SLIT1: variants seen among roughly 807,000 people sequenced by gnomAD.
SLIT1 encodes slit guidance ligand 1.
SLIT1 carries 66 observed loss-of-function variants against 186.1 expected under a neutral mutation model. That is an observed-to-expected ratio of 0.35 (90% confidence interval 0.29 to 0.44). The LOEUF (loss-of-function observed/expected upper bound fraction) is 0.44. SLIT1 is among the 20% of genes least tolerant of loss of function. The pLI, the probability that SLIT1 is intolerant of heterozygous loss-of-function variation, is 1.00. For missense variants in SLIT1, 1,638 were observed against 2,037.4 expected, an observed-to-expected ratio of 0.80 and a Z score of 3.77; for synonymous variants, 761 against 833.8, an observed-to-expected ratio of 0.91 and a Z score of 1.50.
intron 28 of SLIT1, among the ~76,000 whole-genome samples, chr10:97,016,847 C>T (rs1052140466): frequency 4.6e-5 from 7 of 152,118 alleles, no homozygotes; most frequent in African/African-American, 1.7e-4. Flanking sequence ...TTCAAATCAC[C>T]ATTGCAGGAA....
intron 4 of SLIT1, among the ~76,000 whole-genome samples, chr10:97,125,109 T>C (rs957555939): frequency 6.6e-6 from 1 of 152,206 alleles, no homozygotes; most frequent in Non-Finnish European, 1.5e-5. Flanking sequence ...GCTTCTTGTA[T>C]ACTGTGAAGA....
Position 97,050,276 on chromosome 10 carries a change from G to A in SLIT1, c.1302-1158C>T, listed in dbSNP as rs1848775634. Among the ~76,000 whole-genome samples the A allele has an allele frequency of 3.3e-5, 5 of 152,198 alleles. No homozygotes were observed. In the South Asian group the frequency reaches 1.0e-3, roughly 31 times the overall value. ...CAGGCCATCTGACTTACTGGTCTCA[G>A]CCCAGGCCCCTGCAAGGGGCTGCAG... On this transcript the variant is annotated intron_variant, in intron 13 of 36. Coordinates refer to ENST00000266058, the MANE Select transcript of SLIT1 (RefSeq NM_003061.3).
At chr10:97,056,536 C>T (rs1848838086) in intron 12 of SLIT1, 72 bp from the exon 13 acceptor site, 2 of 1,511,636 alleles carry the variant, frequency 1.3e-6, no homozygotes, top group Admixed American at 1.7e-5. Context: ...TCCTGGGCAC[C>T]TTCTTCAGTC....
At chr10:97,137,739 C>G (rs1356719877) in intron 4 of SLIT1, among the ~76,000 whole-genome samples, 2 of 152,152 alleles carry the variant, frequency 1.3e-5, no homozygotes, top group South Asian at 2.1e-4. Context: ...GTGTGCCCCA[C>G]CATCCCCAGC....
chr10:97,098,476 G>C (rs1402438784), intron 4 of SLIT1, among the ~76,000 whole-genome samples: 3 of 152,210 alleles, frequency 2.0e-5, no homozygotes, highest in African/African-American at 7.2e-5. Context: ...TGAGGACTTG[G>C]CGAGGCAGAG....
intron 21 of SLIT1, 33 bp from the exon 22 acceptor site, chr10:97,037,799 T>A: frequency 6.4e-7 from 1 of 1,571,906 alleles, no homozygotes; most frequent in Non-Finnish European, 8.7e-7. Flanking sequence ...TTAGTGCCCA[T>A]CTCCACCTCT....
intron 4 of SLIT1, among the ~76,000 whole-genome samples, chr10:97,092,337 G>A (rs1350800125): frequency 6.6e-6 from 1 of 152,184 alleles, no homozygotes; most frequent in African/African-American, 2.4e-5. Flanking sequence ...GAATTAACTG[G>A]GAAGAGACAT....
In SLIT1 at chr10:97,018,996, G is replaced by A. The variant is rs556714316; in HGVS notation, c.2858C>T (p.Pro953Leu). 1.4e-5 allele frequency: 22 copies of A among 1,609,276 alleles called. No homozygotes were observed. The African/African-American group carries it at 2.4e-4, about 18-fold the overall frequency. The change falls in exon 27 of 37, where the codon CCC (proline) becomes CTC (leucine). Residue 953 changes from proline to leucine, a missense_variant. Physicochemically the swap from Pro to Leu is moderately conservative, Grantham distance 98. Transcript: ENST00000266058. ...GCCTCCACTCACCTTATAGCCGCTG[G>A]GGCAGGCGCACCTGTACACCTCAAG... is the stretch of plus-strand genomic sequence containing the variant. Reference protein sequence around the residue: ...DPLEVYRCACPSGYKGRDCEV... With the variant: ...DPLEVYRCACLSGYKGRDCEV...
chr10:97,065,042 G>GT (rs967168793), intron 5 of SLIT1, among the ~76,000 whole-genome samples, 166 bp from the exon 6 acceptor site: 18 of 152,016 alleles, frequency 1.2e-4, no homozygotes, highest in Middle Eastern at 3.4e-3. Flanking sequence ...AAACTTAAGG[G>GT]TTTTTTTCTA....
intron 34 of SLIT1, 132 bp from the exon 35 acceptor site, chr10:97,003,124 G>T: frequency 2.4e-6 from 2 of 842,838 alleles, no homozygotes; most frequent in South Asian, 1.9e-5. Context: ...CTGCAACCCT[G>T]ATCCAAGGTC....
rs773758191 is a variant in SLIT1, at chr10:97,013,509, G to A, written c.3203+232C>T. ...AGATGAGAAAACAAGCTCAGAGCAGGCAAGTGACACATTCAGGGTCATGCT... is the reference window on the plus strand; with the variant it reads ...AGATGAGAAAACAAGCTCAGAGCAGACAAGTGACACATTCAGGGTCATGCT... On this transcript the variant is annotated intron_variant, in intron 30 of 36. Transcript: ENST00000266058. Among the ~76,000 whole-genome samples the A allele has an allele frequency of 2.0e-5, 3 of 152,288 alleles. No homozygotes were observed. The South Asian group carries it at 6.2e-4, about 32-fold the overall frequency.
At chr10:97,036,548 C>T (rs1229236961) in intron 22 of SLIT1, among the ~76,000 whole-genome samples, 1 of 152,224 alleles carries the variant, frequency 6.6e-6, no homozygotes, top group African/African-American at 2.4e-5. Flanking sequence ...GCTTAGTTTA[C>T]GCGAACATTG....
At chr10:97,005,136 A>G (rs1848349038) in intron 32 of SLIT1, among the ~76,000 whole-genome samples, 1 of 152,188 alleles carries the variant, frequency 6.6e-6, no homozygotes, top group African/African-American at 2.4e-5. Context: ...CCAGAGAGGA[A>G]AATTAGACTG....
At chr10:97,133,471 G>A (rs1416061247) in intron 4 of SLIT1, among the ~76,000 whole-genome samples, 1 of 152,180 alleles carries the variant, frequency 6.6e-6, no homozygotes, top group Non-Finnish European at 1.5e-5. Flanking sequence ...AATTTATAGA[G>A]ACAGAAAGTA....
rs1186971772 is a variant in SLIT1, at chr10:97,042,780, C to A, written c.2164+121G>T. On this transcript the variant is annotated intron_variant, in intron 20 of 36. Transcript: ENST00000266058. ...ACAGGGCCTCCCCTCCCCACCTAACCTCTCCTCTCAGGGGCATGCCAGGGG... is the reference window on the plus strand; with the variant it reads ...ACAGGGCCTCCCCTCCCCACCTAACATCTCCTCTCAGGGGCATGCCAGGGG... 6.5e-6 allele frequency: 7 copies of A among 1,074,510 alleles called. No homozygotes were observed. The Admixed American group carries it at 1.7e-4, about 27-fold the overall frequency. 66.6% of individuals were successfully genotyped at this position (1,074,510 alleles called of 1,614,324 possible). A position where few individuals can be genotyped will look rare whatever the true frequency, so the allele number is the denominator to read the frequency against.
At chr10:97,013,465 A>G (rs1386661792) in intron 30 of SLIT1, among the ~76,000 whole-genome samples, 3 of 152,136 alleles carry the variant, frequency 2.0e-5, no homozygotes, top group Admixed American at 2.0e-4. Flanking sequence ...GGAGGAAGCT[A>G]CTGTTGTGCC....
At chr10:97,058,057 G>C (rs1419955560) in intron 11 of SLIT1, 2 of 717,530 alleles carry the variant, frequency 2.8e-6, no homozygotes, top group East Asian at 2.7e-5. Flanking sequence ...CCCTGCAGTG[G>C]GAGCTGTGTG....
Position 97,010,959 on chromosome 10 carries a change from G to A in SLIT1, c.3341+34C>T. On this transcript the variant is annotated intron_variant, in intron 31 of 36. Coordinates refer to ENST00000266058, the MANE Select transcript of SLIT1 (RefSeq NM_003061.3). This position sits in a 1 kb window ranked among gnomAD's most constrained non-coding sequence, Gnocchi z 4.8. ...CCAGCCCAGGGGCTGACAGCCACAA[G>A]GAGTCACTCCTAGTGTGTCCAGGGG... 2 of 1,602,446 alleles carry A rather than the reference G, an allele frequency of 1.2e-6. No homozygotes were observed. Among genetic ancestry groups the A allele is most frequent in the Middle Eastern group, 1.7e-4 (1 of 6,004 alleles).
At chr10:97,117,386 T>C (rs1849518631) in intron 4 of SLIT1, among the ~76,000 whole-genome samples, 1 of 152,130 alleles carries the variant, frequency 6.6e-6, no homozygotes, top group African/African-American at 2.4e-5. Context: ...GCTTGGAAAA[T>C]TTGCTCCAAA....
Sources: allele counts gnomAD v4.1 joint callset (sites outside exome capture counted in the v4.1 genomes callset), GRCh38; gene constraint gnomAD v4.1.1; non-coding constraint Gnocchi (gnomAD v3.1); transcripts MANE v1.5; gene names NCBI Gene and HGNC (gene_info 2026-07-23, HGNC 2026-07-21).